ASRGL1: variants seen among roughly 807,000 people sequenced by gnomAD.
ASRGL1 encodes the protein asparaginase and isoaspartyl peptidase 1.
In ASRGL1, 16 loss-of-function variants were observed where a neutral mutation model predicts 22.4. The ratio of observed to expected loss-of-function variants is 0.71; its 90% CI spans 0.48 to 1.08. The LOEUF (loss-of-function observed/expected upper bound fraction) is 1.08, where lower values mean the gene tolerates loss of function less well. Ranked by LOEUF, ASRGL1 falls within the 50% of genes least tolerant of loss-of-function variation. ASRGL1 has a pLI of 0.00. For synonymous variants in ASRGL1, 165 were observed against 159.3 expected, an observed-to-expected ratio of 1.04 and a Z score of -0.27; for missense variants, 412 against 410.1, an observed-to-expected ratio of 1.00 and a Z score of -0.04.
At chr11:62,339,892 C>G (rs1945822772) in intron 2 of ASRGL1, among the ~76,000 whole-genome samples, 1 of 152,128 alleles carries the variant, frequency 6.6e-6, no homozygotes, top group Non-Finnish European at 1.5e-5. Flanking sequence ...TTCAGGAAAT[C>G]TTAATTAATC....
intron 4 of ASRGL1, among the ~76,000 whole-genome samples, chr11:62,358,018 A>C (rs750220364): frequency 1.2e-4 from 18 of 152,224 alleles, no homozygotes; most frequent in Non-Finnish European, 1.3e-4. Context: ...CAGGTATATT[A>C]TAAAAAGGGT....
chr11:62,342,436 C>A (rs972913917), intron 2 of ASRGL1, among the ~76,000 whole-genome samples: 8 of 152,324 alleles, frequency 5.3e-5, no homozygotes, highest in Non-Finnish European at 7.4e-5. Flanking sequence ...AGAGAAGTTA[C>A]TGTTTATTCC....
At chr11:62,361,783 G>A (rs538091145) in intron 4 of ASRGL1, among the ~76,000 whole-genome samples, 1 of 152,158 alleles carries the variant, frequency 6.6e-6, no homozygotes, top group South Asian at 2.1e-4. Flanking sequence ...ACTGTGCCCA[G>A]CCCAAAGTTT....
chr11:62,369,440 CTT>C (rs1187999055), intron 4 of ASRGL1, among the ~76,000 whole-genome samples: 1 of 152,132 alleles, frequency 6.6e-6, no homozygotes, highest in Non-Finnish European at 1.5e-5. Flanking sequence ...TCTGATCTCT[CTT>C]TTCCCCACAT....
intron 4 of ASRGL1, chr11:62,371,994 C>T (rs1428359258): frequency 2.1e-5 from 14 of 668,418 alleles, no homozygotes; most frequent in South Asian, 3.3e-5. Context: ...CAGGAAGCTG[C>T]GTACGGCAAT....
chr11:62,363,178 C>G (rs1728034689), intron 4 of ASRGL1, among the ~76,000 whole-genome samples: 1 of 151,666 alleles, frequency 6.6e-6, no homozygotes, highest in Admixed American at 6.6e-5. Context: ...GATGATCTGC[C>G]CACCTCAGCC....
At chr11:62,372,351 C>T in intron 4 of ASRGL1, 1 of 1,571,970 alleles carries the variant, frequency 6.4e-7, no homozygotes, top group Non-Finnish European at 8.7e-7. Flanking sequence ...CAGCCCTGTG[C>T]AGATAATGTA....
chr11:62,389,279 T>A lies in ASRGL1; in HGVS notation c.610+28T>A, dbSNP rs765367117. 6.4e-6 allele frequency: 10 copies of A among 1,571,878 alleles called. No individual in the cohort carries two copies. In the Admixed American group the frequency reaches 1.7e-4, roughly 26 times the overall value. ...AGGACCAAGGGATGCCTCCTGCCCCTTCCCCTCTTCTCCCGCCCTCAGGCT... is the reference window on the plus strand; with the variant it reads ...AGGACCAAGGGATGCCTCCTGCCCCATCCCCTCTTCTCCCGCCCTCAGGCT... On this transcript the variant is annotated intron_variant, in intron 5 of 6. Coordinates refer to ENST00000415229, the MANE Select transcript of ASRGL1 (RefSeq NM_001083926.2).
chr11:62,389,107 A>G (rs750464043), intron 4 of ASRGL1, 26 bp from the exon 5 acceptor site: 3 of 1,575,780 alleles, frequency 1.9e-6, no homozygotes, highest in Admixed American at 3.4e-5. Flanking sequence ...TCAGCCTGTC[A>G]CTTTTTTTCT....
chr11:62,373,305 C>G (rs902749757), intron 4 of ASRGL1: 1 of 619,352 alleles, frequency 1.6e-6, no homozygotes. Flanking sequence ...TATTTAGACT[C>G]CCTGAGGTTC....
At chr11:62,370,012 G>T (rs1021476474) in intron 4 of ASRGL1, among the ~76,000 whole-genome samples, 3 of 152,128 alleles carry the variant, frequency 2.0e-5, no homozygotes, top group Admixed American at 6.6e-5. Flanking sequence ...AAAGTTTACT[G>T]TCTGAACAGA....
chr11:62,398,431 A>G, the ASRGL1 span, among the ~76,000 whole-genome samples: 1 of 152,182 alleles, frequency 6.6e-6, no homozygotes, highest in East Asian at 1.9e-4. Flanking sequence ...GGCCACTTTC[A>G]GAAGTGTTTA....
downstream of ASRGL1, among the ~76,000 whole-genome samples, chr11:62,396,270 G>A (rs912544055): frequency 3.0e-4 from 46 of 151,852 alleles, no homozygotes; most frequent in African/African-American, 1.1e-3. Context: ...TGGGGGAGGT[G>A]GTGGGGGTGC....
chr11:62,379,154 G>A (rs138035089), intron 4 of ASRGL1, among the ~76,000 whole-genome samples: 3 of 152,186 alleles, frequency 2.0e-5, no homozygotes, highest in East Asian at 1.9e-4. Flanking sequence ...TTGATTATCC[G>A]GCCCTAAACA....
intron 4 of ASRGL1, chr11:62,372,391 G>A (rs1209709393): frequency 1.3e-6 from 2 of 1,561,468 alleles, no homozygotes; most frequent in Non-Finnish European, 1.8e-6. Flanking sequence ...AAAATGGCCT[G>A]TGAGGCTGCA....
intron 2 of ASRGL1, among the ~76,000 whole-genome samples, chr11:62,352,165 G>A (rs993873793): frequency 6.6e-6 from 1 of 152,212 alleles, no homozygotes; most frequent in Admixed American, 6.5e-5. Flanking sequence ...TAAGGATGGA[G>A]TCCTGAACCA....
At chr11:62,374,974 C>T (rs1278907573) in intron 4 of ASRGL1, among the ~76,000 whole-genome samples, 3 of 151,930 alleles carry the variant, frequency 2.0e-5, no homozygotes, top group Non-Finnish European at 4.4e-5. Context: ...TCCTTTGAGT[C>T]GTGGTCACCG....
intron 2 of ASRGL1, among the ~76,000 whole-genome samples, chr11:62,352,442 C>T (rs949614549): frequency 2.6e-5 from 4 of 152,090 alleles, no homozygotes; most frequent in Middle Eastern, 3.4e-3. Context: ...AAAAATTAGC[C>T]GGGTATGGTG....
At chr11:62,355,257 G>A (rs181971041) in intron 2 of ASRGL1, among the ~76,000 whole-genome samples, 41 of 145,476 alleles carry the variant, frequency 2.8e-4, no homozygotes, top group Admixed American at 2.4e-3. Context: ...ATGAAGTCTC[G>A]CTCTGTCGCC....
Sources: allele counts gnomAD v4.1 joint callset (sites outside exome capture counted in the v4.1 genomes callset), GRCh38; gene constraint gnomAD v4.1.1; transcripts MANE v1.5; gene names NCBI Gene and HGNC (gene_info 2026-07-23, HGNC 2026-07-21).